KDM4B: variants seen among roughly 807,000 people sequenced by gnomAD.
The protein encoded by KDM4B is lysine demethylase 4B, also known as lysine-specific demethylase 4B.
A neutral mutation model predicts 125.2 loss-of-function variants in KDM4B; 32 were observed. The ratio of observed to expected loss-of-function variants is 0.26; its 90% CI spans 0.19 to 0.34. The LOEUF is 0.34. Among genes scored for constraint, KDM4B ranks in the 10% least tolerant of loss-of-function variants. The pLI is 1.00. For synonymous variants in KDM4B, 721 were observed against 677.9 expected, an observed-to-expected ratio of 1.06 and a Z score of -0.99; for missense variants, 1,190 against 1,577.7, an observed-to-expected ratio of 0.75 and a Z score of 4.16.
intron 1 of KDM4B, among the ~76,000 whole-genome samples, chr19:5,007,498 T>C (rs952474610): frequency 4.6e-5 from 7 of 152,264 alleles, no homozygotes; most frequent in Non-Finnish European, 5.9e-5. Context: ...TTTGCAAATA[T>C]ATGTTCTCCT....
intron 2 of KDM4B, among the ~76,000 whole-genome samples, chr19:5,032,483 G>A (rs549019957): frequency 2.0e-5 from 3 of 152,282 alleles, no homozygotes; most frequent in African/African-American, 4.8e-5. Context: ...CAGATGCCGC[G>A]GTCTCTCGTG....
intron 9 of KDM4B, among the ~76,000 whole-genome samples, chr19:5,087,156 A>G (rs11880565): frequency 0.34 from 51,265 of 152,182 alleles, 9,974 homozygotes; most frequent in East Asian, 0.9. Flanking sequence ...TTCACTCCCC[A>G]TCAGCAGAAT....
rs1369131810 is a variant in KDM4B, at chr19:5,035,176, GTCC to G, written c.141+2151_141+2153del. On this transcript the variant is annotated intron_variant, in intron 3 of 22. Transcript: ENST00000159111. This position sits in a 1 kb window ranked among gnomAD's most constrained non-coding sequence, Gnocchi z 5.3. The stretch of plus-strand genomic sequence containing the variant: ...GGCTGCTATCCCAGGAAAGGCCCAG[GTCC>G]TCCTCTTCCTCCTCTCCCTGGTGCA... 6.6e-6 allele frequency among the ~76,000 whole-genome samples: 1 copy of G among 152,138 alleles called. No homozygotes were observed. Among genetic ancestry groups the G allele is most frequent in the East Asian group, 1.9e-4 (1 of 5,184 alleles).
intron 6 of KDM4B, among the ~76,000 whole-genome samples, chr19:5,070,363 C>T (rs554898661): frequency 2.0e-5 from 3 of 152,328 alleles, no homozygotes; most frequent in African/African-American, 4.8e-5. Context: ...ACGGCATGAG[C>T]GGGATGCCAC....
At chr19:5,039,737 TG>T (rs929871062) in intron 3 of KDM4B, 98 bp from the exon 4 acceptor site, 386 of 1,285,516 alleles carry the variant, frequency 3.0e-4, no homozygotes, top group Middle Eastern at 1.4e-3. Flanking sequence ...GTGCAGATCT[TG>T]GGGGGTGCTG....
chr19:5,147,459 A>T (rs1432127964), intron 21 of KDM4B, among the ~76,000 whole-genome samples: 1 of 152,160 alleles, frequency 6.6e-6, no homozygotes, highest in Non-Finnish European at 1.5e-5. Context: ...AAATGAGATG[A>T]TGCCAGCCAG....
At chr19:4,993,806 C>A (rs2035105866) in intron 1 of KDM4B, among the ~76,000 whole-genome samples, 1 of 151,768 alleles carries the variant, frequency 6.6e-6, no homozygotes, top group Non-Finnish European at 1.5e-5. Flanking sequence ...GAGGTGAGGT[C>A]TTACTATGTT....
intron 1 of KDM4B, among the ~76,000 whole-genome samples, chr19:4,984,492 C>T (rs373733042): frequency 1.1e-4 from 17 of 152,142 alleles, no homozygotes; most frequent in African/African-American, 3.9e-4. Flanking sequence ...AGGAAGCAGG[C>T]GTGGGGGTTT....
In KDM4B at chr19:5,041,155, C is replaced by T. The variant is rs1233710929; in HGVS notation, c.336C>T (p.His112=). The T allele has an allele frequency of 5.6e-6, 9 of 1,612,292 alleles. No homozygotes were observed. Among genetic ancestry groups the T allele is most frequent in the Non-Finnish European group, 7.6e-6 (9 of 1,178,812 alleles). The change falls in exon 5 of 23, where the codon CAC becomes CAT. Residue 112 remains histidine (H), a synonymous_variant. Transcript: ENST00000159111. ...TCACCAGGTACTGTACCCCGCGGCA[C>T]CAGGACTTTGATGACCTTGAACGCA... is the stretch of plus-strand genomic sequence containing the variant. ...ANSEKYCTPR[H]QDFDDLERKY... is the part of the protein sequence containing the mutation.
Position 4,971,937 on chromosome 19 carries a change from G to A in KDM4B, c.-109+2707G>A, listed in dbSNP as rs1470695808. On this transcript the variant is annotated intron_variant, in intron 1 of 22. Transcript: ENST00000159111. The surrounding 1 kb of genome is among the most constrained non-coding windows in gnomAD (Gnocchi z 4.1). ...GAGGGGACGGAGAGCAGATGAACAG[G>A]GTGGGGGCTCGGGGCGGGGGGAGCT... Among the ~76,000 whole-genome samples, 1 of 152,024 alleles carries A rather than the reference G, an allele frequency of 6.6e-6. No homozygotes were observed. Among genetic ancestry groups the A allele is most frequent in the Non-Finnish European group, 1.5e-5 (1 of 67,978 alleles).
chr19:5,093,037 C>T (rs755167865), intron 9 of KDM4B, among the ~76,000 whole-genome samples: 1 of 152,218 alleles, frequency 6.6e-6, no homozygotes, highest in Non-Finnish European at 1.5e-5. Flanking sequence ...AGACCCTCCC[C>T]TCCTAGTGCT....
intron 9 of KDM4B, among the ~76,000 whole-genome samples, chr19:5,095,893 G>T (rs971307787): frequency 6.6e-6 from 1 of 152,206 alleles, no homozygotes; most frequent in Non-Finnish European, 1.5e-5. Flanking sequence ...TCAGACCCTG[G>T]CAGGGGCCCC....
intron 12 of KDM4B, 94 bp from the exon 13 acceptor site, chr19:5,131,793 G>A (rs1477310890): frequency 6.6e-7 from 1 of 1,525,654 alleles, no homozygotes; most frequent in Non-Finnish European, 9.0e-7. Flanking sequence ...AGGAGACTCA[G>A]GCCTCAGGCA....
intron 1 of KDM4B, among the ~76,000 whole-genome samples, chr19:4,989,539 C>T (rs2034964557): frequency 6.6e-6 from 1 of 151,818 alleles, no homozygotes; most frequent in African/African-American, 2.4e-5. Context: ...CAGGGTTTTA[C>T]CATGTTGGCC....
intron 7 of KDM4B, 67 bp from the exon 8 acceptor site, chr19:5,077,291 TGCCCAGAGG>T: frequency 2.4e-6 from 3 of 1,269,916 alleles, no homozygotes; most frequent in Non-Finnish European, 3.4e-6. Flanking sequence ...AGAGCCAGCC[TGCCCAGAGG>T]GCAGCATCCT....
At chr19:4,988,304 CTTG>C (rs894728410) in intron 1 of KDM4B, among the ~76,000 whole-genome samples, 13 of 152,226 alleles carry the variant, frequency 8.5e-5, no homozygotes, top group Admixed American at 3.3e-4. Context: ...GAGACGGAGT[CTTG>C]TTGTGTTTCC....
chr19:5,012,332 C>A (rs2035754569), intron 1 of KDM4B, among the ~76,000 whole-genome samples: 1 of 152,230 alleles, frequency 6.6e-6, no homozygotes, highest in African/African-American at 2.4e-5. Flanking sequence ...GTGGGAACAT[C>A]CTGCCTGTTG....
At position 5,144,264 on chromosome 19, in the gene KDM4B, C is replaced by T. The variant is rs1354129376; in HGVS notation, c.2753C>T (p.Ala918Val). 8.1e-6 allele frequency: 13 copies of T among 1,598,232 alleles called. No homozygotes were observed. The highest frequency in any genetic ancestry group is 1.7e-5 in the Admixed American group (1 of 58,584). The change falls in exon 20 of 23, where the codon GCC becomes GTC. Residue 918 changes from alanine to valine, a missense_variant. By Grantham distance (64) the Ala-to-Val change is moderately conservative. Coordinates refer to ENST00000159111, the MANE Select transcript of KDM4B (RefSeq NM_015015.3). ...SGGHAVQLLR[A>V]VSLGQVVITK... ...CCCTCCCAGGTCCAACTCCTGAGGG[C>T]CGTGTCCCTAGGCCAGGTGGTCATC... is the stretch of plus-strand genomic sequence containing the variant.
At chr19:5,118,020 G>C (rs968610083) in intron 10 of KDM4B, among the ~76,000 whole-genome samples, 13 of 152,312 alleles carry the variant, frequency 8.5e-5, no homozygotes, top group Non-Finnish European at 1.6e-4. Context: ...CAGAGTGGCT[G>C]GGAGCAGCGG....
Sources: allele counts gnomAD v4.1 joint callset (sites outside exome capture counted in the v4.1 genomes callset), GRCh38; gene constraint gnomAD v4.1.1; non-coding constraint Gnocchi (gnomAD v3.1); transcripts MANE v1.5; gene names NCBI Gene and HGNC (gene_info 2026-07-23, HGNC 2026-07-21).